CCNF: variants seen among roughly 807,000 people sequenced by gnomAD.
The protein encoded by CCNF is cyclin F.
A neutral mutation model predicts 85.4 loss-of-function variants in CCNF; 30 were observed. That is an observed-to-expected ratio of 0.35 (90% CI 0.26 to 0.48). The LOEUF (loss-of-function observed/expected upper bound fraction) is 0.48. Among genes scored for constraint, CCNF ranks in the 20% least tolerant of loss-of-function variants. CCNF has a pLI of 0.99. For synonymous variants in CCNF, 439 were observed against 425.1 expected (o/e 1.03, Z -0.40); for missense variants, 919 against 1,010.4 (o/e 0.91, Z 1.23).
In CCNF at chr16:2,457,962, A is replaced by G. The variant is rs2065439447; in HGVS notation, c.*942A>G. On this transcript the variant is annotated 3_prime_UTR_variant, in exon 17 of 17. Transcript: ENST00000397066. ...ATCTGAGGTGACCAAGAGGCAGAAG[A>G]GCAGAGCAGTCGGGGGCCGTGTCCT... is the stretch of plus-strand genomic sequence containing the variant. 1 of 152,268 alleles carries G rather than the reference A, an allele frequency of 6.6e-6. No individual in the cohort carries two copies. The highest frequency in any genetic ancestry group is 1.5e-5 in the Non-Finnish European group (1 of 68,076). The allele number at this position is 152,268 out of a possible 1,614,324, so 9.4% of individuals were successfully genotyped here. A position where few individuals can be genotyped will look rare whatever the true frequency, so the allele number is the denominator to read the frequency against.
intron 5 of CCNF, 148 bp from the exon 6 acceptor site, chr16:2,437,922 A>T: frequency 5.3e-6 from 3 of 570,648 alleles, no homozygotes; most frequent in Non-Finnish European, 6.3e-6. Flanking sequence ...AAAAAAAAAA[A>T]GACTGAAATC....
chr16:2,443,568 C>A (rs2065344228), intron 8 of CCNF, 81 bp from the exon 9 acceptor site: 2 of 1,438,922 alleles, frequency 1.4e-6, no homozygotes, highest in South Asian at 1.2e-5. Flanking sequence ...GCATTTGGTG[C>A]CTGAATGGGC....
At chr16:2,430,209 GGGGAGTGGCGCTTCCTTTCA>G (rs1662840102) in intron 1 of CCNF, among the ~76,000 whole-genome samples, 1 of 152,084 alleles carries the variant, frequency 6.6e-6, no homozygotes, top group South Asian at 2.1e-4. Context: ...GGCCCACAGA[GGGGAGTGGCGCTTCCTTTCA>G]GGACTGGAAG....
At chr16:2,435,079 G>A (rs574970935) in intron 3 of CCNF, among the ~76,000 whole-genome samples, 199 of 151,862 alleles carry the variant, frequency 1.3e-3, no homozygotes, top group Non-Finnish European at 2.4e-3. Context: ...GTGAAACCCC[G>A]TCTCTACTAA....
At chr16:2,439,127 G>A (rs1414724010) in intron 6 of CCNF, among the ~76,000 whole-genome samples, 4 of 150,008 alleles carry the variant, frequency 2.7e-5, no homozygotes, top group South Asian at 2.1e-4. Flanking sequence ...GTGAAACCCC[G>A]TCTCTACTAA....
intron 2 of CCNF, 74 bp downstream of exon 2, chr16:2,431,358 T>C: frequency 6.6e-7 from 1 of 1,513,470 alleles, no homozygotes; most frequent in South Asian, 1.2e-5. Flanking sequence ...TTCTTAACTG[T>C]CAGAACAAAA....
intron 4 of CCNF, 81 bp from the exon 5 acceptor site, chr16:2,437,048 C>A: frequency 7.9e-7 from 1 of 1,271,422 alleles, no homozygotes; most frequent in Non-Finnish European, 1.1e-6. Context: ...AGGCATTACA[C>A]TTTCCACCAA....
intron 10 of CCNF, among the ~76,000 whole-genome samples, chr16:2,447,033 C>T (rs2065365765): frequency 6.6e-6 from 1 of 152,214 alleles, no homozygotes; most frequent in South Asian, 2.1e-4. Context: ...AATCCAGCGT[C>T]CCAGGTCTTC....
rs1487626978 is a variant in CCNF, at chr16:2,458,122, C to G, written c.*1102C>G. On this transcript the variant is annotated 3_prime_UTR_variant, in exon 17 of 17. Transcript: ENST00000397066. The stretch of plus-strand genomic sequence containing the variant: ...GAGCCAGCAGCCCACGCCTGGGGAG[C>G]CTGCCTGGGGCCATGTGACCATGGC... 2 of 152,186 alleles carry G rather than the reference C, an allele frequency of 1.3e-5. No individual in the cohort carries two copies. Among genetic ancestry groups the G allele is most frequent in the African/African-American group, 2.4e-5 (1 of 41,432 alleles). 9.4% of individuals were successfully genotyped at this position (152,186 alleles called of 1,614,324 possible).
chr16:2,431,404 C>A, intron 2 of CCNF, 120 bp downstream of exon 2: 1 of 1,037,208 alleles, frequency 9.6e-7, no homozygotes, highest in Non-Finnish European at 1.4e-6. Context: ...AGAGGCCAGG[C>A]ACGGTGGCTC....
At chr16:2,430,866 C>T (rs1567381418) in intron 1 of CCNF, 2 of 582,464 alleles carry the variant, frequency 3.4e-6, no homozygotes, top group Non-Finnish European at 6.4e-6. Context: ...TTCCCAATAG[C>T]CAAGTTACAT....
At chr16:2,437,095 A>G in intron 4 of CCNF, 34 bp from the exon 5 acceptor site, 1 of 1,487,478 alleles carries the variant, frequency 6.7e-7, no homozygotes, top group South Asian at 1.4e-5. Flanking sequence ...TCCCTAAGAG[A>G]CATCCCTGGG....
intron 2 of CCNF, among the ~76,000 whole-genome samples, 164 bp downstream of exon 2, chr16:2,431,448 G>A (rs113037686): frequency 6.6e-6 from 1 of 152,096 alleles, no homozygotes; most frequent in South Asian, 2.1e-4. Flanking sequence ...GAGGCCGAAG[G>A]GGGGTGGATC....
At chr16:2,437,545 C>G (rs375320785) in intron 5 of CCNF, 66 of 485,058 alleles carry the variant, frequency 1.4e-4, no homozygotes, top group African/African-American at 1.1e-3. Context: ...GGTACACGTG[C>G]TGACAGCTGG....
At chr16:2,437,818 G>A (rs1217884400) in intron 5 of CCNF, 4 of 481,472 alleles carry the variant, frequency 8.3e-6, no homozygotes, top group Non-Finnish European at 1.5e-5. Context: ...AGGATCGCTT[G>A]AGCCTGGGAG....
intron 16 of CCNF, 134 bp downstream of exon 16, chr16:2,455,698 C>T: frequency 3.7e-6 from 5 of 1,367,418 alleles, no homozygotes; most frequent in Non-Finnish European, 3.8e-6. Context: ...GGGGCCAGCT[C>T]CTGCCCCGCC....
chr16:2,443,928 T>TA, intron 9 of CCNF, 128 bp downstream of exon 9: 2 of 782,410 alleles, frequency 2.6e-6, no homozygotes, highest in South Asian at 2.1e-5. Context: ...ATCACCCTTT[T>TA]TTTTTTTTTG....
rs146026073 is a variant in CCNF at position 2,455,531 on chromosome 16, G to A, written c.1852G>A (p.Asp618Asn). The A allele has an allele frequency of 8.1e-6, 13 of 1,603,024 alleles. No homozygotes were observed. The highest frequency in any genetic ancestry group is 1.7e-5 in the Admixed American group (1 of 59,774). ...SLDCCSGYEG[D>N]QESEGEKEGD... ...GGACTGCTGCTCTGGCTATGAAGGC[G>A]ACCAGGAGAGTGAGGGCGAGAAGGA... is the stretch of plus-strand genomic sequence containing the variant. Residue 618 changes from aspartate (D) to asparagine (N), a missense_variant, in exon 16 of 17, where the codon GAC (aspartate) becomes AAC (asparagine). Asp to Asn is a conservative substitution (Grantham distance 23, BLOSUM62 1). Coordinates refer to ENST00000397066, the MANE Select transcript of CCNF (RefSeq NM_001761.3).
chr16:2,453,714 C>T lies in CCNF; in HGVS notation c.1715+177C>T, dbSNP rs2065408403. 1.3e-5 allele frequency among the ~76,000 whole-genome samples: 2 copies of T among 152,204 alleles called. No homozygotes were observed. Among genetic ancestry groups the T allele is most frequent in the Non-Finnish European group, 2.9e-5 (2 of 68,042 alleles). The stretch of plus-strand genomic sequence containing the variant: ...GTCATGCCTCGGGCCCCTGCGTAAC[C>T]TCCACTGTCTCCAGCCCAGGTCTCC... On this transcript the variant is annotated intron_variant, in intron 15 of 16. Coordinates refer to ENST00000397066, the MANE Select transcript of CCNF (RefSeq NM_001761.3). The surrounding 1 kb of genome is among the most constrained non-coding windows in gnomAD (Gnocchi z 5.6).
Sources: allele counts gnomAD v4.1 joint callset (sites outside exome capture counted in the v4.1 genomes callset), GRCh38; gene constraint gnomAD v4.1.1; non-coding constraint Gnocchi (gnomAD v3.1); transcripts MANE v1.5; gene names NCBI Gene and HGNC (gene_info 2026-07-23, HGNC 2026-07-21).